Variants in IQGAP2 observed in about 807,000 individuals in gnomAD.
IQGAP2 encodes the protein IQ motif containing GTPase activating protein 2, also known as ras GTPase-activating-like protein IQGAP2.
A neutral mutation model predicts 201.3 loss-of-function variants in IQGAP2; 173 were observed. The ratio of observed to expected loss-of-function variants is 0.86; its 90% CI spans 0.76 to 0.98. IQGAP2 has a LOEUF of 0.98. IQGAP2 is among the 50% of genes least tolerant of loss of function. The probability of loss-of-function intolerance (pLI) is 0.00; values close to 1 mark genes in which losing one functional copy is unlikely to be tolerated. For synonymous variants in IQGAP2, 675 were observed against 673.9 expected (o/e 1.00, Z -0.03); for missense variants, 1,687 against 1,864.8 (o/e 0.90, Z 1.76).
chr5:76,420,632 C>T (rs911806279), intron 1 of IQGAP2, among the ~76,000 whole-genome samples: 1 of 152,190 alleles, frequency 6.6e-6, no homozygotes, highest in African/African-American at 2.4e-5. Flanking sequence ...ACCTTGGCCT[C>T]CCAAAGGGCT....
At chr5:76,491,465 A>G (rs1756533535) in intron 2 of IQGAP2, among the ~76,000 whole-genome samples, 1 of 151,746 alleles carries the variant, frequency 6.6e-6, no homozygotes, top group African/African-American at 2.4e-5. Flanking sequence ...TTTCTTTTTT[A>G]TTATTATTTT....
chr5:76,495,252 A>G (rs1756813744), intron 2 of IQGAP2, among the ~76,000 whole-genome samples: 1 of 152,254 alleles, frequency 6.6e-6, no homozygotes, highest in Admixed American at 6.5e-5. Flanking sequence ...GCACCAGCCT[A>G]GAGCACAAAC....
rs192144055 is a variant in IQGAP2, at chr5:76,581,638, G to A, written c.458+5869G>A. On this transcript the variant is annotated intron_variant, in intron 5 of 35. Transcript: ENST00000274364. ...CATCTTGTTACTTCATACAGCTTAC[G>A]TGCTATTGATTCCAAGTTAAAGTCT... is the stretch of plus-strand genomic sequence containing the variant. 2.9e-3 allele frequency among the ~76,000 whole-genome samples: 439 copies of A among 152,180 alleles called. 16 individuals are homozygous for A. Among genetic ancestry groups the A allele is most frequent in the Admixed American group, 0.027 (407 of 15,290 alleles).
chr5:76,561,809 C>T (rs1212619185), intron 2 of IQGAP2, among the ~76,000 whole-genome samples: 1 of 151,962 alleles, frequency 6.6e-6, no homozygotes, highest in African/African-American at 2.4e-5. Context: ...CGGTGTCTTC[C>T]CAAAAAAGAT....
intron 23 of IQGAP2, among the ~76,000 whole-genome samples, chr5:76,669,072 A>G (rs891363254): frequency 2.0e-5 from 3 of 152,166 alleles, no homozygotes; most frequent in African/African-American, 7.2e-5. Context: ...TTGATTTTGT[A>G]TGCCTGTAAC....
At chr5:76,411,261 A>G (rs1239493161) in intron 1 of IQGAP2, among the ~76,000 whole-genome samples, 1 of 152,228 alleles carries the variant, frequency 6.6e-6, no homozygotes, top group African/African-American at 2.4e-5. Context: ...ACACATGGGT[A>G]TGTTATGGAA....
chr5:76,487,014 C>A (rs1381466870), intron 2 of IQGAP2, among the ~76,000 whole-genome samples: 1 of 151,718 alleles, frequency 6.6e-6, no homozygotes, highest in African/African-American at 2.4e-5. Flanking sequence ...GTTTTAAGCA[C>A]AATAGTGTTT....
intron 28 of IQGAP2, among the ~76,000 whole-genome samples, chr5:76,678,777 G>A (rs1465620136): frequency 6.6e-6 from 1 of 152,164 alleles, no homozygotes; most frequent in Non-Finnish European, 1.5e-5. Flanking sequence ...CAGACATACT[G>A]ACAAGTGGCA....
At chr5:76,510,148 C>T (rs192089538) in intron 2 of IQGAP2, among the ~76,000 whole-genome samples, 294 of 151,684 alleles carry the variant, frequency 1.9e-3, no homozygotes, top group Admixed American at 4.6e-3. Context: ...TACAGGCACC[C>T]GCCACCATGC....
At chr5:76,540,889 C>T (rs1165594205) in intron 2 of IQGAP2, among the ~76,000 whole-genome samples, 4 of 152,174 alleles carry the variant, frequency 2.6e-5, no homozygotes, top group Admixed American at 6.5e-5. Context: ...CATAGCCAGA[C>T]TCTAATGTCG....
In IQGAP2 at chr5:76,673,500, G is replaced by A. The variant is rs1580785489; in HGVS notation, c.3120G>A (p.Val1040=). Residue 1040 remains valine (V), a synonymous_variant, in exon 25 of 36, where the codon GTG becomes GTA. Transcript: ENST00000274364. ...TTEQALTYPE[V]KNKLEASIEN... ...AACAAGCTCTAACATACCCAGAAGTGAAAAATAAACTGGAGGCTTCCATTG... is the reference window on the plus strand; with the variant it reads ...AACAAGCTCTAACATACCCAGAAGTAAAAAATAAACTGGAGGCTTCCATTG... The A allele has an allele frequency of 6.2e-7, 1 of 1,613,954 alleles. No homozygotes were observed. Among genetic ancestry groups the A allele is most frequent in the Non-Finnish European group, 8.5e-7 (1 of 1,179,974 alleles).
At chr5:76,674,352 A>G (rs1580787996) in intron 26 of IQGAP2, 125 bp from the exon 27 acceptor site, 2 of 622,352 alleles carry the variant, frequency 3.2e-6, no homozygotes, top group South Asian at 2.1e-5. Flanking sequence ...TAGGATTTAC[A>G]TCAGAAAATG....
Position 76,636,224 on chromosome 5 carries a change from A to C in IQGAP2, c.1781-810A>C, listed in dbSNP as rs148172015. On this transcript the variant is annotated intron_variant, in intron 15 of 35. Coordinates refer to ENST00000274364, the MANE Select transcript of IQGAP2 (RefSeq NM_006633.5). ...GATACAGTTGACTTAGCTTAGTCTA[A>C]GTTAGAACTTCTTATGTTTTTCTGT... is the stretch of plus-strand genomic sequence containing the variant. 2.9e-3 allele frequency among the ~76,000 whole-genome samples: 441 copies of C among 152,340 alleles called. 2 individuals are homozygous for C. The highest frequency in any genetic ancestry group is 0.01 in the African/African-American group (420 of 41,578).
intron 2 of IQGAP2, among the ~76,000 whole-genome samples, chr5:76,561,103 G>A (rs1744332882): frequency 6.6e-6 from 1 of 152,128 alleles, no homozygotes; most frequent in African/African-American, 2.4e-5. Context: ...GATAGCATGA[G>A]ATTTCATCAC....
At chr5:76,425,419 CAACTT>C (rs1231034895) in intron 1 of IQGAP2, among the ~76,000 whole-genome samples, 1 of 152,098 alleles carries the variant, frequency 6.6e-6, no homozygotes, top group Non-Finnish European at 1.5e-5. Context: ...ACCACGGACA[CAACTT>C]AAAATAAACT....
At chr5:76,554,901 G>A (rs528384714) in intron 2 of IQGAP2, among the ~76,000 whole-genome samples, 1 of 152,030 alleles carries the variant, frequency 6.6e-6, no homozygotes, top group South Asian at 2.1e-4. Flanking sequence ...AAGTTATGGG[G>A]GAAAATAACA....
At position 76,484,197 on chromosome 5, in the gene IQGAP2, G is replaced by A. The variant is rs187407581; in HGVS notation, c.146+22528G>A. ...GCTAAGCCCCATAGAAAGAGCAAAC[G>A]AAACTTCAAAGAACTCAAAATAGAG... On this transcript the variant is annotated intron_variant, in intron 2 of 35. Coordinates refer to ENST00000274364, the MANE Select transcript of IQGAP2 (RefSeq NM_006633.5). 6.6e-5 allele frequency among the ~76,000 whole-genome samples: 10 copies of A among 152,136 alleles called. No homozygotes were observed. In the East Asian group the frequency reaches 7.7e-4, roughly 12 times the overall value.
At chr5:76,583,288 A>C (rs1460424276) in intron 5 of IQGAP2, among the ~76,000 whole-genome samples, 1 of 152,192 alleles carries the variant, frequency 6.6e-6, no homozygotes, top group Non-Finnish European at 1.5e-5. Flanking sequence ...TCTTTTCAGC[A>C]TGGGAATACT....
intron 13 of IQGAP2, among the ~76,000 whole-genome samples, chr5:76,622,662 G>C (rs1216393805): frequency 6.6e-6 from 1 of 152,136 alleles, no homozygotes; most frequent in Non-Finnish European, 1.5e-5. Flanking sequence ...TGAGGGTAGG[G>C]AGAACTCCCC....
Sources: gnomAD v4.1 joint callset for allele counts (sites outside exome capture counted in the v4.1 genomes callset) on GRCh38, gnomAD v4.1.1 for gene constraint, MANE v1.5 for transcripts, NCBI Gene and HGNC (gene_info 2026-07-23, HGNC 2026-07-21) for gene names.